Variants in ADAMTS12 observed in about 807,000 individuals in gnomAD.
The protein encoded by ADAMTS12 is A disintegrin and metalloproteinase with thrombospondin motifs 12.
ADAMTS12 carries 118 observed loss-of-function variants against 167.8 expected under a neutral mutation model. The observed-to-expected ratio is 0.70, with a 90% CI of 0.61 to 0.82. ADAMTS12 has a LOEUF of 0.82. ADAMTS12 is among the 40% of genes least tolerant of loss of function. ADAMTS12 has a pLI of 0.00. For synonymous variants in ADAMTS12, 704 were observed against 716.9 expected, an observed-to-expected ratio of 0.98 and a Z score of 0.29; for missense variants, 1,916 against 1,998.8, an observed-to-expected ratio of 0.96 and a Z score of 0.79.
intron 3 of ADAMTS12, among the ~76,000 whole-genome samples, chr5:33,744,265 C>G (rs1416183175): frequency 6.6e-6 from 1 of 152,100 alleles, no homozygotes; most frequent in African/African-American, 2.4e-5. Context: ...ATGGGTCTCA[C>G]AGAATAAGTA....
intron 23 of ADAMTS12, among the ~76,000 whole-genome samples, chr5:33,532,940 G>T (rs953078503): frequency 4.6e-5 from 7 of 152,144 alleles, no homozygotes; most frequent in Non-Finnish European, 1.0e-4. Flanking sequence ...TTAAATCAAG[G>T]AATTTCTCAC....
chr5:33,809,983 G>GAA (rs202032209), intron 2 of ADAMTS12, among the ~76,000 whole-genome samples: 19,315 of 117,534 alleles, frequency 0.16, 1,738 homozygotes, highest in East Asian at 0.34. Flanking sequence ...AAGTTTAACA[G>GAA]AAAAAAAAAA....
chr5:33,818,729 A>ACACCCT (rs1271841491), intron 2 of ADAMTS12, among the ~76,000 whole-genome samples: 1 of 152,070 alleles, frequency 6.6e-6, no homozygotes, highest in Non-Finnish European at 1.5e-5. Context: ...CCTTTGCTCC[A>ACACCCT]CACCCTCACC....
chr5:33,828,965 G>A (rs535542070), intron 2 of ADAMTS12, among the ~76,000 whole-genome samples: 8 of 152,288 alleles, frequency 5.3e-5, no homozygotes, highest in African/African-American at 1.7e-4. Context: ...CACTTGGGAT[G>A]GGGAGTGGGA....
At chr5:33,650,195 A>G (rs991724185) in intron 7 of ADAMTS12, among the ~76,000 whole-genome samples, 2 of 152,224 alleles carry the variant, frequency 1.3e-5, no homozygotes, top group African/African-American at 4.8e-5. Context: ...TACTATTGCT[A>G]CAGGAGTCCT....
chr5:33,769,435 C>T (rs2112422970), intron 2 of ADAMTS12, among the ~76,000 whole-genome samples: 1 of 152,186 alleles, frequency 6.6e-6, no homozygotes, highest in East Asian at 1.9e-4. Flanking sequence ...AGTGTCCAGC[C>T]CTGGGAGGGA....
At chr5:33,783,521 A>G (rs1746217638) in intron 2 of ADAMTS12, among the ~76,000 whole-genome samples, 1 of 151,878 alleles carries the variant, frequency 6.6e-6, no homozygotes, top group African/African-American at 2.4e-5. Context: ...TCCAATTACT[A>G]AAAACAGAAA....
intron 2 of ADAMTS12, chr5:33,880,829 A>G (rs773735047): frequency 1.1e-5 from 4 of 369,734 alleles, no homozygotes; most frequent in Non-Finnish European, 2.0e-5. Context: ...GCTGAAAACC[A>G]AACTCAAATC....
intron 20 of ADAMTS12, among the ~76,000 whole-genome samples, chr5:33,559,788 G>A (rs1745649672): frequency 1.3e-5 from 2 of 152,250 alleles, no homozygotes; most frequent in East Asian, 1.9e-4. Context: ...GTTAAGGCAC[G>A]AGAATCGCTT....
At chr5:33,636,738 C>G (rs1369410547) in intron 12 of ADAMTS12, among the ~76,000 whole-genome samples, 4 of 152,122 alleles carry the variant, frequency 2.6e-5, no homozygotes, top group Non-Finnish European at 4.4e-5. Flanking sequence ...CCTTAAATTT[C>G]TTTAACACAG....
chr5:33,875,568 A>C (rs1750199439), intron 2 of ADAMTS12, among the ~76,000 whole-genome samples: 1 of 152,240 alleles, frequency 6.6e-6, no homozygotes, highest in Non-Finnish European at 1.5e-5. Context: ...AAGTCACATG[A>C]CCATATCAAC....
chr5:33,820,143 T>C (rs1280844562), intron 2 of ADAMTS12, among the ~76,000 whole-genome samples: 1 of 152,224 alleles, frequency 6.6e-6, no homozygotes, highest in African/African-American at 2.4e-5. Context: ...CTGGGTTATA[T>C]AATTTCAAAT....
chr5:33,727,200 G>A (rs780022635), intron 3 of ADAMTS12, among the ~76,000 whole-genome samples: 7 of 152,014 alleles, frequency 4.6e-5, no homozygotes, highest in African/African-American at 1.2e-4. Context: ...TGTGGCTGCC[G>A]CTGGACCTGT....
chr5:33,632,813 G>C (rs1352173718), intron 12 of ADAMTS12, among the ~76,000 whole-genome samples: 5 of 152,168 alleles, frequency 3.3e-5, no homozygotes, highest in African/African-American at 4.8e-5. Flanking sequence ...AAAATAGAAA[G>C]CGGCCCTGAA....
At position 33,751,626 on chromosome 5, in the gene ADAMTS12, G is replaced by C. The variant is rs576596331; in HGVS notation, c.490-78C>G. On this transcript the variant is annotated intron_variant, in intron 2 of 23. Coordinates refer to ENST00000504830, the MANE Select transcript of ADAMTS12 (RefSeq NM_030955.4). ...TAAAAACAAAGTGAAAAATTATATAGCTTATGAGTATCTCTGAAACTCCTA... is the reference window on the plus strand; with the variant it reads ...TAAAAACAAAGTGAAAAATTATATACCTTATGAGTATCTCTGAAACTCCTA... 3.7e-5 allele frequency: 52 copies of C among 1,424,390 alleles called. No individual in the cohort carries two copies. In the South Asian group the frequency reaches 6.3e-4, roughly 17 times the overall value. 88.2% of individuals were successfully genotyped at this position (1,424,390 alleles called of 1,614,324 possible).
chr5:33,782,937 A>T (rs1399536360), intron 2 of ADAMTS12, among the ~76,000 whole-genome samples: 1 of 152,030 alleles, frequency 6.6e-6, no homozygotes, highest in African/African-American at 2.4e-5. Flanking sequence ...GACCTTACTG[A>T]CACAGAACAT....
At chr5:33,700,435 A>C (rs975282990) in intron 3 of ADAMTS12, among the ~76,000 whole-genome samples, 1 of 152,230 alleles carries the variant, frequency 6.6e-6, no homozygotes, top group Non-Finnish European at 1.5e-5. Context: ...CAAAGGGTTA[A>C]ACACTTTATG....
At chr5:33,766,785 G>A (rs1395192964) in intron 2 of ADAMTS12, among the ~76,000 whole-genome samples, 3 of 152,140 alleles carry the variant, frequency 2.0e-5, no homozygotes, top group Admixed American at 2.0e-4. Context: ...TTATCCCGTA[G>A]TAAAATTGTG....
intron 8 of ADAMTS12, 79 bp from the exon 9 acceptor site, chr5:33,649,045 C>G (rs1740782631): frequency 2.6e-6 from 4 of 1,544,314 alleles, no homozygotes; most frequent in Non-Finnish European, 3.5e-6. Context: ...CAGAAACTTC[C>G]CTCTGGTTTA....
Sources: gnomAD v4.1 joint callset for allele counts (sites outside exome capture counted in the v4.1 genomes callset) on GRCh38, gnomAD v4.1.1 for gene constraint, MANE v1.5 for transcripts, NCBI Gene and HGNC (gene_info 2026-07-23, HGNC 2026-07-21) for gene names.